Variants in POLA2 observed in about 807,000 individuals in gnomAD.
POLA2 encodes DNA polymerase alpha subunit B.
In POLA2, 47 loss-of-function variants were observed where a neutral mutation model predicts 82.8. That is an observed-to-expected ratio of 0.57 (90% CI 0.45 to 0.72). POLA2 has a LOEUF of 0.72. Ranked by LOEUF, POLA2 falls within the 30% of genes least tolerant of loss-of-function variation. POLA2 has a pLI of 0.00. For synonymous variants in POLA2, 287 were observed against 286.8 expected (o/e 1.00, Z -0.01); for missense variants, 634 against 728.1 (o/e 0.87, Z 1.49).
intron 10 of POLA2, 48 bp downstream of exon 10, chr11:65,282,569 C>CA (rs1488306789): frequency 1.3e-6 from 2 of 1,508,104 alleles, no homozygotes; most frequent in African/African-American, 2.7e-5. Flanking sequence ...GGATGGTAGA[C>CA]ATGAGTCCAG....
chr11:65,265,898 G>A (rs1278209567), intron 1 of POLA2, among the ~76,000 whole-genome samples: 1 of 152,062 alleles, frequency 6.6e-6, no homozygotes, highest in Admixed American at 6.6e-5. Context: ...TTCTAGATAC[G>A]CTCACTCCCT....
rs1949404296 is a variant in POLA2, at chr11:65,262,131, T to G, written c.-162T>G. On this transcript the variant is annotated 5_prime_UTR_variant, in exon 1 of 18. Coordinates refer to ENST00000265465, the MANE Select transcript of POLA2 (RefSeq NM_002689.4). ...TCTGTGACCGACGGCCGGGGCCTTC[T>G]GACGGTCTGAGGTCTTGCTTGGGCC... 1 of 602,438 alleles carries G rather than the reference T, an allele frequency of 1.7e-6. No individual in the cohort carries two copies. Among genetic ancestry groups the G allele is most frequent in the Non-Finnish European group, 3.0e-6 (1 of 336,662 alleles). 37.3% of individuals were successfully genotyped at this position (602,438 alleles called of 1,614,324 possible).
Position 65,268,716 on chromosome 11 carries a change from C to T in POLA2, c.341C>T (p.Thr114Ile). ...GAGGAAATCCTCTTGAACTCTTACACCACACCTTCAAAGGTAAGTAAACAG... is the reference window on the plus strand; with the variant it reads ...GAGGAAATCCTCTTGAACTCTTACATCACACCTTCAAAGGTAAGTAAACAG... ...EEEEILLNSY[T>I]TPSKGSQKRA... The change falls in exon 4 of 18, where the codon ACC becomes ATC. Residue 114 changes from threonine to isoleucine, a missense_variant. Thr to Ile is a moderately conservative substitution (Grantham distance 89). Transcript: ENST00000265465. The T allele has an allele frequency of 1.9e-6, 3 of 1,587,446 alleles. No homozygotes were observed. The highest frequency in any genetic ancestry group is 2.6e-6 in the Non-Finnish European group (3 of 1,166,628).
rs117655494 is a variant in POLA2, at chr11:65,286,520, A to G, written c.1007-1196A>G. Among the ~76,000 whole-genome samples the G allele has an allele frequency of 3.2e-3, 490 of 152,026 alleles. 1 individual carries two copies. The highest frequency in any genetic ancestry group is 4.4e-3 in the Non-Finnish European group (298 of 67,976). On this transcript the variant is annotated intron_variant, in intron 10 of 17. Coordinates refer to ENST00000265465, the MANE Select transcript of POLA2 (RefSeq NM_002689.4). ...CCTCCCACTTCAAGTAACTAGAACTATAGGCTCAGGAGGTACGCACCACTC... is the reference window on the plus strand; with the variant it reads ...CCTCCCACTTCAAGTAACTAGAACTGTAGGCTCAGGAGGTACGCACCACTC...
chr11:65,295,705 T>A (rs1949802822), intron 16 of POLA2, 106 bp downstream of exon 16: 2 of 1,331,592 alleles, frequency 1.5e-6, no homozygotes, highest in African/African-American at 1.4e-5. Flanking sequence ...AGCAGGGAAC[T>A]TTACCCTGTG....
chr11:65,275,649 GA>G (rs1949569178), intron 4 of POLA2, among the ~76,000 whole-genome samples: 1 of 152,182 alleles, frequency 6.6e-6, no homozygotes, highest in Non-Finnish European at 1.5e-5. Flanking sequence ...GTCCTTTTTG[GA>G]AAATGTTTGC....
chr11:65,273,695 T>C (rs915214952), intron 4 of POLA2, among the ~76,000 whole-genome samples: 1 of 152,096 alleles, frequency 6.6e-6, no homozygotes, highest in Admixed American at 6.5e-5. Context: ...GGTGTCACTA[T>C]GTTGCTCAGG....
chr11:65,278,775 A>C lies in POLA2; in HGVS notation c.507A>C (p.Glu169Asp). ...QKYNSRSNRG[E>D]VVTSFGLAQG... ...ACAACTCACGAAGTAACCGAGGAGA[A>C]GTGGTTACCTCCTTCGGCTTAGCAC... The change falls in exon 6 of 18, where the codon GAA (glutamate) becomes GAC (aspartate). Residue 169 changes from glutamate (E) to aspartate (D), a missense_variant. Glu to Asp is a conservative substitution (Grantham distance 45). Coordinates refer to ENST00000265465, the MANE Select transcript of POLA2 (RefSeq NM_002689.4). 2 of 1,613,840 alleles carry C rather than the reference A, an allele frequency of 1.2e-6. No individual in the cohort carries two copies. The highest frequency in any genetic ancestry group is 1.7e-6 in the Non-Finnish European group (2 of 1,179,982).
At chr11:65,265,239 G>GGT (rs150400323) in intron 1 of POLA2, among the ~76,000 whole-genome samples, 1 of 108,650 alleles carries the variant, frequency 9.2e-6, no homozygotes, top group Non-Finnish European at 2.0e-5. Flanking sequence ...AAAAAAAAAA[G>GGT]GGGGGGGGCC....
rs148523001 is a variant in POLA2, at chr11:65,288,583, C to A, written c.1132-467C>A. 2.7e-3 allele frequency among the ~76,000 whole-genome samples: 395 copies of A among 145,198 alleles called. 4 individuals are homozygous for A. Among genetic ancestry groups the A allele is most frequent in the African/African-American group, 9.4e-3 (373 of 39,726 alleles). ...CTGGAGTGCTGTGGTGCGATCTCGG[C>A]TCACTATAGCCTCCACCTCCTGGGC... On this transcript the variant is annotated intron_variant, in intron 11 of 17. Coordinates refer to ENST00000265465, the MANE Select transcript of POLA2 (RefSeq NM_002689.4).
chr11:65,266,334 T>C, intron 1 of POLA2: 1 of 472,446 alleles, frequency 2.1e-6, no homozygotes, highest in Non-Finnish European at 3.9e-6. Context: ...CCATCATCTC[T>C]CACCTGGGCT....
At chr11:65,280,820 T>C (rs991452212) in intron 7 of POLA2, 172 bp from the exon 8 acceptor site, 10 of 611,616 alleles carry the variant, frequency 1.6e-5, no homozygotes, top group South Asian at 1.6e-4. Flanking sequence ...TCAGAGTTCT[T>C]CCATCCTGAG....
At chr11:65,285,454 G>A (rs557056799) in intron 10 of POLA2, among the ~76,000 whole-genome samples, 16 of 151,474 alleles carry the variant, frequency 1.1e-4, no homozygotes, top group African/African-American at 3.9e-4. Context: ...TATAGTCCCA[G>A]CAACCTGGAA....
At position 65,278,845 on chromosome 11, in the gene POLA2, C is replaced by G; in HGVS notation, c.577C>G (p.Leu193Val). ...GAGAGGAGGAGCTGGAAACATCAGC[C>G]TGAAGGTCTTGGGATGTCCAGAGGC... Reference protein sequence around the residue: ...SGRGGAGNISLKVLGCPEALT... With the variant: ...SGRGGAGNISVKVLGCPEALT... Residue 193 changes from leucine (L) to valine (V), a missense_variant, in exon 6 of 18, where the codon CTG (leucine) becomes GTG (valine). Transcript: ENST00000265465. 6.2e-7 allele frequency: 1 copy of G among 1,613,858 alleles called. No homozygotes were observed. Among genetic ancestry groups the G allele is most frequent in the Non-Finnish European group, 8.5e-7 (1 of 1,180,024 alleles).
At chr11:65,266,473 T>C in intron 1 of POLA2, 109 bp from the exon 2 acceptor site, 6 of 1,168,850 alleles carry the variant, frequency 5.1e-6, no homozygotes, top group African/African-American at 1.5e-5. Context: ...CTGGCACTAA[T>C]AGATTCTGAA....
rs537685265 is a variant in POLA2 at position 65,278,656 on chromosome 11, AG to A, written c.462-72del. 3.3e-4 allele frequency: 419 copies of A among 1,270,646 alleles called. No homozygotes were observed. The African/African-American group carries it at 5.6e-3, about 17-fold the overall frequency. 78.7% of individuals were successfully genotyped at this position (1,270,646 alleles called of 1,614,324 possible). On this transcript the variant is annotated intron_variant, in intron 5 of 17. Coordinates refer to ENST00000265465, the MANE Select transcript of POLA2 (RefSeq NM_002689.4). ...CCTTTTCTCCAGTCCCCATTTCCAA[AG>A]GTAACCTCATTTTATTCTTCTCTCC...
At chr11:65,262,476 T>C in intron 1 of POLA2, 105 bp downstream of exon 1, 2 of 835,986 alleles carry the variant, frequency 2.4e-6, no homozygotes, top group African/African-American at 1.7e-5. Flanking sequence ...CCACTTCCCC[T>C]GGAGCAGAGT....
rs769985783 is a variant in POLA2, at chr11:65,278,914, A to T, written c.646A>T (p.Ile216Phe). ...ATCCATGTTTCAGAAGCTCCCAGACATTCGAGAAGGTGATTGTTTTTCCCT... is the reference window on the plus strand; with the variant it reads ...ATCCATGTTTCAGAAGCTCCCAGACTTTCGAGAAGGTGATTGTTTTTCCCT... ...YKSMFQKLPD[I>F]REVLTCKIEE... is the part of the protein sequence containing the mutation. The change falls in exon 6 of 18, where the codon ATT (isoleucine) becomes TTT (phenylalanine). Residue 216 changes from isoleucine (I) to phenylalanine (F), a missense_variant. By Grantham distance (21) the Ile-to-Phe change is conservative. Transcript: ENST00000265465. 1.2e-6 allele frequency: 2 copies of T among 1,613,088 alleles called. No individual in the cohort carries two copies. The highest frequency in any genetic ancestry group is 1.1e-5 in the South Asian group (1 of 91,030).
intron 13 of POLA2, 147 bp downstream of exon 13, chr11:65,290,019 C>T (rs1051031520): frequency 3.8e-5 from 22 of 572,276 alleles, no homozygotes; most frequent in South Asian, 4.3e-5. Context: ...GAGGCCGAGG[C>T]GGGCACATCA....
Sources: gnomAD v4.1 joint callset for allele counts (sites outside exome capture counted in the v4.1 genomes callset) on GRCh38, gnomAD v4.1.1 for gene constraint, MANE v1.5 for transcripts, NCBI Gene and HGNC (gene_info 2026-07-23, HGNC 2026-07-21) for gene names.